Variants in APBA1 observed in about 807,000 individuals in gnomAD.
APBA1 encodes amyloid-beta A4 precursor protein-binding family A member 1.
In APBA1, 55 loss-of-function variants were observed where a neutral mutation model predicts 86.6. That is an observed-to-expected ratio of 0.64 (90% CI 0.51 to 0.80). The LOEUF is 0.80. Among genes scored for constraint, APBA1 ranks in the 30% least tolerant of loss-of-function variants. The pLI is 0.00. For synonymous variants in APBA1, 511 were observed against 493.9 expected (o/e 1.03, Z -0.46); for missense variants, 1,090 against 1,183.0 (o/e 0.92, Z 1.15).
rs543846076 is a variant in APBA1 at position 69,428,141 on chromosome 9, G to A, written c.*3186C>T. ...TTGGTAACGGCTACACCACTGGGTC[G>A]AGGGACCCGGGAAGGGCTCTGTAGA... is the stretch of plus-strand genomic sequence containing the variant. On this transcript the variant is annotated 3_prime_UTR_variant, in exon 13 of 13. Coordinates refer to ENST00000265381, the MANE Select transcript of APBA1 (RefSeq NM_001163.4). The A allele has an allele frequency of 5.9e-5, 9 of 152,346 alleles. No homozygotes were observed. Among genetic ancestry groups the A allele is most frequent in the African/African-American group, 1.9e-4 (8 of 41,558 alleles). 9.4% of individuals were successfully genotyped at this position (152,346 alleles called of 1,614,324 possible).
intron 1 of APBA1, among the ~76,000 whole-genome samples, chr9:69,656,595 A>G (rs1823616426): frequency 6.6e-6 from 1 of 152,178 alleles, no homozygotes; most frequent in South Asian, 2.1e-4. Context: ...AAGGCATATG[A>G]GGGAGCCTCC....
rs548685258 is a variant in APBA1 at position 69,499,727 on chromosome 9, C to T, written c.1200+16284G>A. The stretch of plus-strand genomic sequence containing the variant: ...ATTCAGGGCAGGGAGAGGGTAACAT[C>T]AAGGCAATCAAGGCCCCAGATGAAG... On this transcript the variant is annotated intron_variant, in intron 2 of 12. Transcript: ENST00000265381. 2.8e-4 allele frequency among the ~76,000 whole-genome samples: 43 copies of T among 150,886 alleles called. No homozygotes were observed. In the Middle Eastern group the frequency reaches 0.017, roughly 60 times the overall value.
At position 69,559,621 on chromosome 9, in the gene APBA1, G is replaced by C. The variant is rs540707714; in HGVS notation, c.-69-42342C>G. Among the ~76,000 whole-genome samples the C allele has an allele frequency of 5.3e-4, 81 of 152,148 alleles. 2 individuals are homozygous for C. The South Asian group carries it at 0.013, about 24-fold the overall frequency. On this transcript the variant is annotated intron_variant, in intron 1 of 12. Transcript: ENST00000265381. ...TTAACAGGGCATAGAATTCTGGGTC[G>C]ACGGTTATTTTTTCTCAGATTTTGA...
intron 3 of APBA1, 110 bp downstream of exon 3, chr9:69,475,938 C>G: frequency 1.2e-6 from 1 of 841,620 alleles, no homozygotes; most frequent in Non-Finnish European, 2.0e-6. Flanking sequence ...TTGTTCTCAC[C>G]AGGGTAATGT....
At chr9:69,476,712 T>G (rs966682623) in intron 2 of APBA1, among the ~76,000 whole-genome samples, 4 of 152,220 alleles carry the variant, frequency 2.6e-5, no homozygotes, top group African/African-American at 9.6e-5. Context: ...TTCAGCATTT[T>G]AACATCCAAA....
intron 9 of APBA1, among the ~76,000 whole-genome samples, chr9:69,451,813 A>G (rs1226743861): frequency 6.6e-6 from 1 of 152,084 alleles, no homozygotes; most frequent in Non-Finnish European, 1.5e-5. Context: ...CAGTGCCCTT[A>G]CCTAGATTGC....
intron 5 of APBA1, chr9:69,464,321 AC>A (rs1392440495): frequency 6.6e-6 from 1 of 152,254 alleles, no homozygotes; most frequent in African/African-American, 2.4e-5. Flanking sequence ...ATGACAGGCA[AC>A]AGTTCCTTCC....
chr9:69,492,593 G>T (rs1368849099), intron 2 of APBA1, among the ~76,000 whole-genome samples: 1 of 152,062 alleles, frequency 6.6e-6, no homozygotes, highest in African/African-American at 2.4e-5. Context: ...AGGCTGGGGG[G>T]TATATACAAC....
intron 1 of APBA1, among the ~76,000 whole-genome samples, chr9:69,519,194 C>T (rs899094369): frequency 4.6e-5 from 7 of 152,194 alleles, no homozygotes; most frequent in African/African-American, 1.7e-4. Flanking sequence ...GGCTGTAAAC[C>T]AGCAGCAGGG....
At position 69,431,174 on chromosome 9, in the gene APBA1, G is replaced by T; in HGVS notation, c.*153C>A. The T allele has an allele frequency of 3.8e-6, 2 of 520,580 alleles. No homozygotes were observed. Among genetic ancestry groups the T allele is most frequent in the Non-Finnish European group, 6.8e-6 (2 of 293,636 alleles). The allele number at this position is 520,580 out of a possible 1,614,324, so 32.2% of individuals were successfully genotyped here. On this transcript the variant is annotated 3_prime_UTR_variant, in exon 13 of 13. Coordinates refer to ENST00000265381, the MANE Select transcript of APBA1 (RefSeq NM_001163.4). ...AAAAAAAAAAAAAGCAAATCGGAGAGAGTAAAGAGGTCCTTGTGGATTCTT... is the reference window on the plus strand; with the variant it reads ...AAAAAAAAAAAAAGCAAATCGGAGATAGTAAAGAGGTCCTTGTGGATTCTT...
chr9:69,633,501 G>A (rs1207515956), intron 1 of APBA1, among the ~76,000 whole-genome samples: 2 of 152,166 alleles, frequency 1.3e-5, no homozygotes, highest in Non-Finnish European at 2.9e-5. Flanking sequence ...AGCTCACATG[G>A]AGGGCAAAGT....
At chr9:69,622,616 T>C (rs1158068277) in intron 1 of APBA1, among the ~76,000 whole-genome samples, 1 of 151,830 alleles carries the variant, frequency 6.6e-6, no homozygotes, top group African/African-American at 2.4e-5. Context: ...AAAGAAAATC[T>C]ATTGGAGAAG....
At position 69,467,787 on chromosome 9, in the gene APBA1, C is replaced by T. The variant is rs1460682675; in HGVS notation, c.1482+36G>A. The T allele has an allele frequency of 1.4e-5, 22 of 1,612,788 alleles. 1 individual carries two copies. The highest frequency in any genetic ancestry group is 1.4e-5 in the Non-Finnish European group (17 of 1,179,076). ...TAGACTGCTCCAGTGCCTACACCAGCCCCCTGTCCCTGTTGGAGCACCCAG... is the reference window on the plus strand; with the variant it reads ...TAGACTGCTCCAGTGCCTACACCAGTCCCCTGTCCCTGTTGGAGCACCCAG... On this transcript the variant is annotated intron_variant, in intron 5 of 12. Transcript: ENST00000265381.
At chr9:69,582,959 C>T (rs539351032) in intron 1 of APBA1, among the ~76,000 whole-genome samples, 70 of 152,142 alleles carry the variant, frequency 4.6e-4, no homozygotes, top group Non-Finnish European at 8.2e-4. Flanking sequence ...CACTTGTCAG[C>T]AATCACTTGA....
intron 1 of APBA1, among the ~76,000 whole-genome samples, chr9:69,665,169 C>G (rs1181241554): frequency 6.6e-6 from 1 of 152,118 alleles, no homozygotes; most frequent in Non-Finnish European, 1.5e-5. Flanking sequence ...GGATAAAGAC[C>G]CCACTTTCTC....
intron 1 of APBA1, among the ~76,000 whole-genome samples, chr9:69,664,696 T>C (rs1379981544): frequency 6.6e-6 from 1 of 152,226 alleles, no homozygotes. Context: ...TCCTAGAATA[T>C]GCATATTCAA....
intron 1 of APBA1, among the ~76,000 whole-genome samples, chr9:69,630,398 G>A (rs1823018724): frequency 6.6e-6 from 1 of 152,134 alleles, no homozygotes; most frequent in Non-Finnish European, 1.5e-5. Context: ...TATGGACTCT[G>A]CTCATCAGTT....
chr9:69,557,604 G>A (rs965059168), intron 1 of APBA1, among the ~76,000 whole-genome samples: 2 of 152,162 alleles, frequency 1.3e-5, no homozygotes, highest in Non-Finnish European at 2.9e-5. Flanking sequence ...ATGAGTGGTC[G>A]AAAGGTGAGA....
intron 1 of APBA1, among the ~76,000 whole-genome samples, chr9:69,671,281 G>C (rs1823942950): frequency 6.6e-6 from 1 of 152,138 alleles, no homozygotes; most frequent in Non-Finnish European, 1.5e-5. Flanking sequence ...TATGGAACAG[G>C]TGCTAAGGAG....
Sources: gnomAD v4.1 joint callset for allele counts (sites outside exome capture counted in the v4.1 genomes callset) on GRCh38, gnomAD v4.1.1 for gene constraint, MANE v1.5 for transcripts, NCBI Gene and HGNC (gene_info 2026-07-23, HGNC 2026-07-21) for gene names.